Variants in CSMD1 observed in about 807,000 individuals in gnomAD.
CSMD1 encodes the protein CUB and sushi domain-containing protein 1.
A neutral mutation model predicts 417.5 loss-of-function variants in CSMD1; 213 were observed. The observed-to-expected ratio is 0.51, with a 90% CI of 0.46 to 0.57. CSMD1 has a LOEUF of 0.57. Ranked by LOEUF, CSMD1 falls within the 20% of genes least tolerant of loss-of-function variation. CSMD1 has a pLI of 0.00. For missense variants in CSMD1, 6,923 were observed against 4,529.7 expected, an observed-to-expected ratio of 1.53 and a Z score of -15.17; for synonymous variants, 2,862 against 1,736.8, an observed-to-expected ratio of 1.65 and a Z score of -16.11.
intron 12 of CSMD1, among the ~76,000 whole-genome samples, chr8:3,447,923 T>C (rs1815403593): frequency 6.6e-6 from 1 of 152,078 alleles, no homozygotes; most frequent in African/African-American, 2.4e-5. Flanking sequence ...CTGGAAGCTA[T>C]TTTCTCTGTC....
At position 4,931,911 on chromosome 8, in the gene CSMD1, C is replaced by T. The variant is rs148009184; in HGVS notation, c.85+62421G>A. On this transcript the variant is annotated intron_variant, in intron 1 of 69. Transcript: ENST00000635120. ...TGGAGATATGTACTTTAGAAATGTCCCTTGGACATTAAGATGCTTATGTAA... is the reference window on the plus strand; with the variant it reads ...TGGAGATATGTACTTTAGAAATGTCTCTTGGACATTAAGATGCTTATGTAA... Among the ~76,000 whole-genome samples, 423 of 152,080 alleles carry T rather than the reference C, an allele frequency of 2.8e-3. 5 individuals carry two copies. Among genetic ancestry groups the T allele is most frequent in the African/African-American group, 9.1e-3 (378 of 41,474 alleles).
In CSMD1 at chr8:3,017,807, A is replaced by T. The variant is rs997139893; in HGVS notation, c.8029+670T>A. On this transcript the variant is annotated intron_variant, in intron 52 of 69. Transcript: ENST00000635120. ...CAGTTTCTATGGCTTTGAGTGATTT[A>T]AAAAAAAAAAAAAAAAAAAAAAAAA... is the stretch of plus-strand genomic sequence containing the variant. 4.1e-4 allele frequency among the ~76,000 whole-genome samples: 34 copies of T among 82,982 alleles called. No individual in the cohort carries two copies. The South Asian group carries it at 6.5e-3, about 16-fold the overall frequency. The allele number at this position is 82,982 out of a possible 152,430, so 54.4% of individuals were successfully genotyped here. A position where few individuals can be genotyped will look rare whatever the true frequency, so the allele number is the denominator to read the frequency against.
intron 5 of CSMD1, among the ~76,000 whole-genome samples, chr8:3,788,261 A>G (rs541745039): frequency 6.6e-6 from 1 of 152,330 alleles, no homozygotes; most frequent in South Asian, 2.1e-4. Flanking sequence ...GGAGCTAAAC[A>G]TCAGTTTTCT....
chr8:4,545,543 A>C (rs1221150891), intron 2 of CSMD1, among the ~76,000 whole-genome samples: 7 of 152,184 alleles, frequency 4.6e-5, no homozygotes, highest in Admixed American at 3.9e-4. Context: ...ACATATATAA[A>C]AATGTAACAC....
chr8:3,371,215 C>T (rs1809924916), intron 18 of CSMD1, among the ~76,000 whole-genome samples: 1 of 152,150 alleles, frequency 6.6e-6, no homozygotes, highest in Non-Finnish European at 1.5e-5. Flanking sequence ...ACACATGAGC[C>T]AATTCCCACA....
intron 31 of CSMD1, among the ~76,000 whole-genome samples, chr8:3,203,235 G>T (rs534449760): frequency 6.6e-6 from 1 of 152,202 alleles, no homozygotes; most frequent in South Asian, 2.1e-4. Flanking sequence ...AGTACAAGAT[G>T]TCAGGAGCCA....
At chr8:4,035,705 G>C (rs983960214) in intron 3 of CSMD1, among the ~76,000 whole-genome samples, 1 of 152,160 alleles carries the variant, frequency 6.6e-6, no homozygotes, top group Non-Finnish European at 1.5e-5. Context: ...TATGTTTTCA[G>C]TTAAATATTA....
intron 3 of CSMD1, among the ~76,000 whole-genome samples, chr8:4,231,958 T>G (rs2128814587): frequency 6.6e-6 from 1 of 152,256 alleles, no homozygotes; most frequent in Admixed American, 6.5e-5. Context: ...TACCTCCTCC[T>G]TTCTTTCTTT....
intron 1 of CSMD1, among the ~76,000 whole-genome samples, chr8:4,838,950 C>G (rs1179430560): frequency 6.6e-6 from 1 of 152,210 alleles, no homozygotes; most frequent in African/African-American, 2.4e-5. Flanking sequence ...TTGACAAATT[C>G]AGCAATTCAT....
intron 25 of CSMD1, among the ~76,000 whole-genome samples, chr8:3,296,570 A>T (rs1443407141): frequency 6.6e-6 from 1 of 152,162 alleles, no homozygotes; most frequent in Non-Finnish European, 1.5e-5. Flanking sequence ...ACAACATGCC[A>T]TGGAGGGAAA....
chr8:4,278,293 G>A (rs749396903), intron 3 of CSMD1, among the ~76,000 whole-genome samples: 1 of 152,162 alleles, frequency 6.6e-6, no homozygotes, highest in Middle Eastern at 3.4e-3. Context: ...GTTCAAGGAG[G>A]TTAAAAACAC....
intron 2 of CSMD1, among the ~76,000 whole-genome samples, chr8:4,434,785 A>C (rs1798060405): frequency 6.6e-6 from 1 of 152,158 alleles, no homozygotes; most frequent in Non-Finnish European, 1.5e-5. Flanking sequence ...TCCACACTCC[A>C]GACCCTGCAC....
At chr8:3,460,152 G>A (rs886119419) in intron 12 of CSMD1, among the ~76,000 whole-genome samples, 5 of 152,160 alleles carry the variant, frequency 3.3e-5, no homozygotes, top group South Asian at 2.1e-4. Context: ...TTGTGTAGCA[G>A]CAAATCACAT....
chr8:3,986,793 T>C (rs992644895), intron 5 of CSMD1, among the ~76,000 whole-genome samples: 4 of 152,068 alleles, frequency 2.6e-5, no homozygotes, highest in African/African-American at 7.2e-5. Context: ...TCTCACCCTG[T>C]TGCCCAGGCT....
intron 1 of CSMD1, among the ~76,000 whole-genome samples, chr8:4,879,322 T>C (rs1201348718): frequency 3.3e-5 from 5 of 151,908 alleles, no homozygotes; most frequent in African/African-American, 9.7e-5. Context: ...GACTTGGAAA[T>C]ATAGGATTAG....
chr8:3,638,652 G>T (rs1797159893), intron 7 of CSMD1, among the ~76,000 whole-genome samples: 1 of 152,170 alleles, frequency 6.6e-6, no homozygotes, highest in Admixed American at 6.5e-5. Flanking sequence ...ACATGGGCAA[G>T]ATGTACCTAG....
In CSMD1 at chr8:3,957,884, C is replaced by G. The variant is rs186492442; in HGVS notation, c.818+40019G>C. ...ACATTTGGAGCCGATGTGGGGCTAT[C>G]GCTGTATAATAATCTCCTTTGTTTG... is the stretch of plus-strand genomic sequence containing the variant. On this transcript the variant is annotated intron_variant, in intron 5 of 69. Transcript: ENST00000635120. Among the ~76,000 whole-genome samples, 292 of 152,246 alleles carry G rather than the reference C, an allele frequency of 1.9e-3. 3 individuals carry two copies. The highest frequency in any genetic ancestry group is 4.3e-4 in the Non-Finnish European group (29 of 68,024).
chr8:3,187,876 G>T lies in CSMD1; in HGVS notation c.5613C>A (p.Ser1871Arg). 6.2e-7 allele frequency: 1 copy of T among 1,612,486 alleles called. No individual in the cohort carries two copies. The highest frequency in any genetic ancestry group is 8.5e-7 in the Non-Finnish European group (1 of 1,179,140). The change falls in exon 36 of 70, where the codon AGC (serine) becomes AGA (arginine). Residue 1871 changes from serine (S) to arginine (R), a missense_variant. Transcript: ENST00000635120. Reference sequence around the variant, plus strand: ...AAATTGACTCCATCTTACCTGAGAAGCTTCCCAGTCTGGGTGCGGTCACAT... The same window carrying T: ...AAATTGACTCCATCTTACCTGAGAATCTTCCCAGTCTGGGTGCGGTCACAT... ...GGDVTAPRLG[S>R]FSGTTVPALL...
intron 3 of CSMD1, among the ~76,000 whole-genome samples, chr8:4,317,941 G>A (rs1197883921): frequency 6.6e-6 from 1 of 152,126 alleles, no homozygotes; most frequent in African/African-American, 2.4e-5. Context: ...GTAATATGTT[G>A]CCGTTCCGAA....
Sources: allele counts gnomAD v4.1 joint callset (sites outside exome capture counted in the v4.1 genomes callset), GRCh38; gene constraint gnomAD v4.1.1; transcripts MANE v1.5; gene names NCBI Gene and HGNC (gene_info 2026-07-23, HGNC 2026-07-21).